The following FPR1 variants were observed in gnomAD, a reference collection of about 807,000 sequenced individuals.
The protein encoded by FPR1 is formyl peptide receptor 1.
For synonymous variants in FPR1, 193 were observed against 176.7 expected, an observed-to-expected ratio of 1.09 and a Z score of -0.73; for missense variants, 407 against 453.0, an observed-to-expected ratio of 0.90 and a Z score of 0.92.
chr19:51,747,525 C>T (rs1490868300), intron 1 of FPR1, among the ~76,000 whole-genome samples: 1 of 152,174 alleles, frequency 6.6e-6, no homozygotes, highest in Non-Finnish European at 1.5e-5. Context: ...GCCAAGATTG[C>T]ATCTTATGAC....
Position 51,746,974 on chromosome 19 carries a change from G to GCC in FPR1, c.20_21insGG (p.Pro8AlafsTer41). The GCC allele has an allele frequency of 6.2e-7, 1 of 1,612,316 alleles. No homozygotes were observed. The highest frequency in any genetic ancestry group is 8.5e-7 in the Non-Finnish European group (1 of 1,178,640). On this transcript the variant is annotated frameshift_variant, in exon 2 of 2. Transcript: ENST00000304748. LOFTEE classifies it low-confidence loss of function (END_TRUNC). The surrounding 1 kb of genome is among the most constrained non-coding windows in gnomAD (Gnocchi z 4.3). ...GTGTCCCTCCAGAGATGTTCGTGGG[G>GCC]AGAGAGGAATTTGTCTCCATCTTGT...
intron 1 of FPR1, 48 bp from the exon 2 acceptor site, chr19:51,747,053 C>CATT (rs1431365617): frequency 7.5e-7 from 1 of 1,328,636 alleles, no homozygotes; most frequent in African/African-American, 1.5e-5. Context: ...ACCTCCGTAC[C>CATT]ATTTCCCCAC....
In FPR1 at chr19:51,746,687, G is replaced by A. The variant is rs2083748604; in HGVS notation, c.308C>T (p.Thr103Ile). The A allele has an allele frequency of 6.2e-7, 1 of 1,614,160 alleles. No individual in the cohort carries two copies. Among genetic ancestry groups the A allele is most frequent in the African/African-American group, 1.3e-5 (1 of 75,036 alleles). The change falls in exon 2 of 2, where the codon ACC (threonine) becomes ATC (isoleucine). Residue 103 changes from threonine to isoleucine, a missense_variant. By Grantham distance (89) the Thr-to-Ile change is moderately conservative. Transcript: ENST00000304748. This position sits in a 1 kb window ranked among gnomAD's most constrained non-coding sequence, Gnocchi z 4.3. ...TCCGAACAAGTTGATGTCCACTATG[G>A]TAAAGACGAATTTGCACAGGAACCA... ...FGWFLCKFVFTIVDINLFGSV... is the reference protein window; with the variant it reads ...FGWFLCKFVFIIVDINLFGSV...
In FPR1 at chr19:51,746,176, T is replaced by G. The variant is rs1261451867; in HGVS notation, c.819A>C (p.Gln273His). The G allele has an allele frequency of 6.2e-7, 1 of 1,614,034 alleles. No individual in the cohort carries two copies. Among genetic ancestry groups the G allele is most frequent in the Non-Finnish European group, 8.5e-7 (1 of 1,180,018 alleles). The change falls in exon 2 of 2, where the codon CAA becomes CAC. Residue 273 changes from glutamine to histidine, a missense_variant. Gln to His is a conservative substitution (Grantham distance 24, BLOSUM62 0). Coordinates refer to ENST00000304748, the MANE Select transcript of FPR1 (RefSeq NM_002029.4). This position sits in a 1 kb window ranked among gnomAD's most constrained non-coding sequence, Gnocchi z 4.3. ...CAATACCAATTTCTTTGTACATGCCTTGCAATAACTCACGGATTCTGACTG... is the reference window on the plus strand; with the variant it reads ...CAATACCAATTTCTTTGTACATGCCGTGCAATAACTCACGGATTCTGACTG... ...IATVRIRELL[Q>H]GMYKEIGIAV...
chr19:51,749,863 G>A (rs780501915), intron 1 of FPR1, among the ~76,000 whole-genome samples: 2 of 152,068 alleles, frequency 1.3e-5, no homozygotes, highest in African/African-American at 4.8e-5. Flanking sequence ...TAGACATGGG[G>A]TTTCACCATG....
In FPR1 at chr19:51,745,926, T is replaced by C; in HGVS notation, c.*16A>G. The C allele has an allele frequency of 3.1e-6, 5 of 1,591,970 alleles. No homozygotes were observed. Among genetic ancestry groups the C allele is most frequent in the East Asian group, 2.3e-5 (1 of 44,380 alleles). On this transcript the variant is annotated 3_prime_UTR_variant, in exon 2 of 2. Transcript: ENST00000304748. ...AGCTGGAGCTGGGAGCTCGAAAGTG[T>C]CCCCCAGCTCCCTCCTCACTTTGCC... is the stretch of plus-strand genomic sequence containing the variant.
At chr19:51,749,286 T>C (rs185311540) in intron 1 of FPR1, among the ~76,000 whole-genome samples, 21 of 152,194 alleles carry the variant, frequency 1.4e-4, no homozygotes, top group Admixed American at 2.6e-4. Flanking sequence ...GGTCATGAAA[T>C]CTCCCTTTCC....
rs547725110 is a variant in FPR1, at chr19:51,746,173, G to A, written c.822C>T (p.Gly274=). 3.7e-4 allele frequency: 594 copies of A among 1,614,170 alleles called. 7 individuals are homozygous for A. The South Asian group carries it at 4.0e-3, about 11-fold the overall frequency. ...ATVRIRELLQ[G]MYKEIGIAVD... is the part of the protein sequence containing the mutation. ...CTGCAATACCAATTTCTTTGTACATGCCTTGCAATAACTCACGGATTCTGA... is the reference window on the plus strand; with the variant it reads ...CTGCAATACCAATTTCTTTGTACATACCTTGCAATAACTCACGGATTCTGA... Residue 274 remains glycine, a synonymous_variant, in exon 2 of 2, where the codon GGC becomes GGT. Coordinates refer to ENST00000304748, the MANE Select transcript of FPR1 (RefSeq NM_002029.4). The surrounding 1 kb of genome is among the most constrained non-coding windows in gnomAD (Gnocchi z 4.3).
chr19:51,750,289 T>C (rs1488984663), intron 1 of FPR1: 1 of 152,146 alleles, frequency 6.6e-6, no homozygotes, highest in Non-Finnish European at 1.5e-5. Context: ...TTTCAAAGAC[T>C]TAGTATGAAA....
At chr19:51,751,653 G>T (rs2083781883) in intron 1 of FPR1, among the ~76,000 whole-genome samples, 161 bp downstream of exon 1, 1 of 152,164 alleles carries the variant, frequency 6.6e-6, no homozygotes, top group African/African-American at 2.4e-5. Flanking sequence ...AAAGTGCTGG[G>T]ATTACAAGCA....
intron 1 of FPR1, among the ~76,000 whole-genome samples, chr19:51,749,936 G>T (rs1046561950): frequency 2.6e-5 from 4 of 152,198 alleles, no homozygotes; most frequent in African/African-American, 9.7e-5. Context: ...CTCCCAAAGT[G>T]CTAGGATTAC....
In FPR1 at chr19:51,746,951, G is replaced by A. The variant is rs1369400642; in HGVS notation, c.44C>T (p.Thr15Ile). 6.2e-7 allele frequency: 1 copy of A among 1,614,078 alleles called. No individual in the cohort carries two copies. Among genetic ancestry groups the A allele is most frequent in the Non-Finnish European group, 8.5e-7 (1 of 1,180,004 alleles). ...SSLPTNISGG[T>I]PAVSAGYLFL... ...GAGATAGCCAGCAGATACAGCAGGT[G>A]TCCCTCCAGAGATGTTCGTGGGGAG... The change falls in exon 2 of 2, where the codon ACA (threonine) becomes ATA (isoleucine). Residue 15 changes from threonine (T) to isoleucine (I), a missense_variant. Thr to Ile is a moderately conservative substitution (Grantham distance 89, BLOSUM62 -1). Coordinates refer to ENST00000304748, the MANE Select transcript of FPR1 (RefSeq NM_002029.4). This position sits in a 1 kb window ranked among gnomAD's most constrained non-coding sequence, Gnocchi z 4.3.
Position 51,746,582 on chromosome 19 carries a change from G to T in FPR1, c.413C>A (p.Thr138Asn), listed in dbSNP as rs774567273. Residue 138 changes from threonine (T) to asparagine (N), a missense_variant, in exon 2 of 2, where the codon ACC (threonine) becomes AAC (asparagine). Thr to Asn is a moderately conservative substitution (Grantham distance 65, BLOSUM62 0). Transcript: ENST00000304748. This position sits in a 1 kb window ranked among gnomAD's most constrained non-coding sequence, Gnocchi z 4.3. ...GATCACCTTCTTGGCCAGGCTCACGGTGCGGTGGTTCTGGGTCCAGACTGG... is the reference window on the plus strand; with the variant it reads ...GATCACCTTCTTGGCCAGGCTCACGTTGCGGTGGTTCTGGGTCCAGACTGG... ...LHPVWTQNHRTVSLAKKVIIG... is the reference protein window; with the variant it reads ...LHPVWTQNHRNVSLAKKVIIG... 8.1e-6 allele frequency: 13 copies of T among 1,614,088 alleles called. No individual in the cohort carries two copies. In the East Asian group the frequency reaches 2.0e-4, roughly 25 times the overall value.
chr19:51,748,181 A>G (rs2083759905), intron 1 of FPR1, among the ~76,000 whole-genome samples: 1 of 152,038 alleles, frequency 6.6e-6, no homozygotes, highest in African/African-American at 2.4e-5. Flanking sequence ...GAAAGGAAGG[A>G]AAGAAGGAGG....
In FPR1 at chr19:51,746,218, C is replaced by A; in HGVS notation, c.777G>T (p.Val259=). 6.2e-7 allele frequency: 1 copy of A among 1,614,132 alleles called. No individual in the cohort carries two copies. Among genetic ancestry groups the A allele is most frequent in the Non-Finnish European group, 8.5e-7 (1 of 1,180,030 alleles). Residue 259 remains valine (V), a synonymous_variant, in exon 2 of 2, where the codon GTG becomes GTT. Transcript: ENST00000304748. This position sits in a 1 kb window ranked among gnomAD's most constrained non-coding sequence, Gnocchi z 4.3. ...AFFLCWSPYQ[V]VALIATVRIR... ...TTCTGACTGTGGCTATAAGGGCCAC[C>A]ACCTGATATGGGGACCAGCAGAGAA... is the stretch of plus-strand genomic sequence containing the variant.
At position 51,746,735 on chromosome 19, in the gene FPR1, A is replaced by C. The variant is rs148846448; in HGVS notation, c.260T>G (p.Met87Arg). 1 of 1,614,166 alleles carries C rather than the reference A, an allele frequency of 6.2e-7. No individual in the cohort carries two copies. The highest frequency in any genetic ancestry group is 2.2e-5 in the East Asian group (1 of 44,872). ...CCAGCCGAAAGGCCAATGTCCTCCCATGGCCTTCCTGACCATGAAGAATGG... is the reference window on the plus strand; with the variant it reads ...CCAGCCGAAAGGCCAATGTCCTCCCCTGGCCTTCCTGACCATGAAGAATGG... ...TLPFFMVRKA[M>R]GGHWPFGWFL... Residue 87 changes from methionine (M) to arginine (R), a missense_variant, in exon 2 of 2, where the codon ATG becomes AGG. Coordinates refer to ENST00000304748, the MANE Select transcript of FPR1 (RefSeq NM_002029.4). This position sits in a 1 kb window ranked among gnomAD's most constrained non-coding sequence, Gnocchi z 4.3.
intron 1 of FPR1, among the ~76,000 whole-genome samples, chr19:51,751,453 G>A (rs2083780267): frequency 6.6e-6 from 1 of 152,114 alleles, no homozygotes; most frequent in African/African-American, 2.4e-5. Context: ...TGCAATCTGA[G>A]CTCACTGCAA....
chr19:51,745,723 C>T (rs372256775), downstream of FPR1: 187 of 510,382 alleles, frequency 3.7e-4, 1 homozygote, highest in East Asian at 4.4e-3. Flanking sequence ...TATCATTTCC[C>T]ACCCTGACCA....
Position 51,745,855 on chromosome 19 carries a change from AT to A in FPR1, c.*86del, listed in dbSNP as rs2083738966. On this transcript the variant is annotated 3_prime_UTR_variant, in exon 2 of 2. Transcript: ENST00000304748. ...TTTCTGATGAGTGGGTAATCCTAAAATAAGCAGGAAATGCCTGTGGCTCAGC... is the reference window on the plus strand; with the variant it reads ...TTTCTGATGAGTGGGTAATCCTAAAAAAGCAGGAAATGCCTGTGGCTCAGC... 8.8e-7 allele frequency: 1 copy of A among 1,131,994 alleles called. No homozygotes were observed. Among genetic ancestry groups the A allele is most frequent in the Non-Finnish European group, 1.3e-6 (1 of 782,004 alleles). 70.1% of individuals were successfully genotyped at this position (1,131,994 alleles called of 1,614,324 possible).
Sources: allele counts gnomAD v4.1 joint callset (sites outside exome capture counted in the v4.1 genomes callset), GRCh38; gene constraint gnomAD v4.1.1; non-coding constraint Gnocchi (gnomAD v3.1); transcripts MANE v1.5; gene names NCBI Gene and HGNC (gene_info 2026-07-23, HGNC 2026-07-21).